The following KIRREL3 variants were observed in gnomAD, a reference collection of about 807,000 sequenced individuals.
KIRREL3 encodes kin of IRRE-like protein 3.
KIRREL3 carries 36 observed loss-of-function variants against 89.7 expected under a neutral mutation model. The ratio of observed to expected loss-of-function variants is 0.40; its 90% CI spans 0.31 to 0.53. KIRREL3 has a LOEUF of 0.53. Among genes scored for constraint, KIRREL3 ranks in the 20% least tolerant of loss-of-function variants. KIRREL3 has a pLI of 0.49. For synonymous variants in KIRREL3, 445 were observed against 441.4 expected (o/e 1.01, Z -0.10); for missense variants, 864 against 1,056.6 (o/e 0.82, Z 2.53).
At chr11:126,720,341 G>C (rs1948122700) in intron 1 of KIRREL3, among the ~76,000 whole-genome samples, 1 of 152,188 alleles carries the variant, frequency 6.6e-6, no homozygotes, top group African/African-American at 2.4e-5. Context: ...TCACGGCAGT[G>C]TTTGCATGCA....
rs1946564074 is a variant in KIRREL3, at chr11:126,905,904, G to A, written c.55+94551C>T. On this transcript the variant is annotated intron_variant, in intron 1 of 16. Transcript: ENST00000525144. This position sits in a 1 kb window ranked among gnomAD's most constrained non-coding sequence, Gnocchi z 5.0. The stretch of plus-strand genomic sequence containing the variant: ...AAAATTCCTGGTGCAGCACAGCTAA[G>A]TGAGGATGCACGGAGGAGATGAAAC... 6.6e-6 allele frequency among the ~76,000 whole-genome samples: 1 copy of A among 152,220 alleles called. No homozygotes were observed. Among genetic ancestry groups the A allele is most frequent in the African/African-American group, 2.4e-5 (1 of 41,460 alleles).
In KIRREL3 at chr11:126,985,318, C is replaced by T. The variant is rs558668828; in HGVS notation, c.55+15137G>A. Among the ~76,000 whole-genome samples, 5 of 152,150 alleles carry T rather than the reference C, an allele frequency of 3.3e-5. No homozygotes were observed. Among genetic ancestry groups the T allele is most frequent in the South Asian group, 2.1e-4 (1 of 4,826 alleles). On this transcript the variant is annotated intron_variant, in intron 1 of 16. Coordinates refer to ENST00000525144, the MANE Select transcript of KIRREL3 (RefSeq NM_032531.4). This position sits in a 1 kb window ranked among gnomAD's most constrained non-coding sequence, Gnocchi z 5.3. ...TATCTGACTCTGCGCCCAAGTCCAA[C>T]AAAGCCACTGCACGGTAGATGGAGG...
rs1014920273 is a variant in KIRREL3, at chr11:126,878,791, G to A, written c.55+121664C>T. Reference sequence around the variant, plus strand: ...ACACATTCTGTTTTTGGATAGTTCAGCATATATCCATATTAAAGCTTTTAA... The same window carrying A: ...ACACATTCTGTTTTTGGATAGTTCAACATATATCCATATTAAAGCTTTTAA... On this transcript the variant is annotated intron_variant, in intron 1 of 16. Coordinates refer to ENST00000525144, the MANE Select transcript of KIRREL3 (RefSeq NM_032531.4). Among the ~76,000 whole-genome samples, 4 of 152,238 alleles carry A rather than the reference G, an allele frequency of 2.6e-5. No homozygotes were observed. In the East Asian group the frequency reaches 7.7e-4, roughly 29 times the overall value.
At chr11:126,633,756 AAC>A (rs1385847844) in intron 1 of KIRREL3, among the ~76,000 whole-genome samples, 5 of 152,206 alleles carry the variant, frequency 3.3e-5, no homozygotes, top group African/African-American at 1.2e-4. Context: ...GTCTAAGAAA[AAC>A]ACTGTCTTGT....
chr11:126,991,968 C>T lies in KIRREL3; in HGVS notation c.55+8487G>A, dbSNP rs992595449. 6.6e-6 allele frequency among the ~76,000 whole-genome samples: 1 copy of T among 152,260 alleles called. No individual in the cohort carries two copies. Among genetic ancestry groups the T allele is most frequent in the South Asian group, 2.1e-4 (1 of 4,818 alleles). ...TCTGGGGGTATGACAGCAATAATGC[C>T]CACTTCTCATTACTTCTGCTGATGA... On this transcript the variant is annotated intron_variant, in intron 1 of 16. Coordinates refer to ENST00000525144, the MANE Select transcript of KIRREL3 (RefSeq NM_032531.4). This position sits in a 1 kb window ranked among gnomAD's most constrained non-coding sequence, Gnocchi z 5.8.
chr11:126,433,843 G>T (rs962460854), intron 13 of KIRREL3, among the ~76,000 whole-genome samples: 15 of 152,242 alleles, frequency 9.9e-5, no homozygotes, highest in African/African-American at 3.1e-4. Flanking sequence ...CAGAGCCAAA[G>T]CATGTCCATG....
chr11:126,716,250 G>T (rs945320308), intron 1 of KIRREL3, among the ~76,000 whole-genome samples: 3 of 152,138 alleles, frequency 2.0e-5, no homozygotes, highest in Admixed American at 2.0e-4. Context: ...GCAAGATTTT[G>T]AAACTCTTAA....
rs1381308896 is a variant in KIRREL3, at chr11:126,531,656, C to A, written c.134-4969G>T. Among the ~76,000 whole-genome samples the A allele has an allele frequency of 5.4e-5, 8 of 148,302 alleles. No individual in the cohort carries two copies. Among genetic ancestry groups the A allele is most frequent in the African/African-American group, 1.7e-4 (7 of 40,364 alleles). On this transcript the variant is annotated intron_variant, in intron 2 of 16. Transcript: ENST00000525144. This position sits in a 1 kb window ranked among gnomAD's most constrained non-coding sequence, Gnocchi z 4.7. Reference sequence around the variant, plus strand: ...GCAGCTCCTGTGACCCAGATGGAATCTTCTTTTTTCTCGTCTTCTCTCTAT... The same window carrying A: ...GCAGCTCCTGTGACCCAGATGGAATATTCTTTTTTCTCGTCTTCTCTCTAT...
At chr11:126,845,763 C>T (rs916870578) in intron 1 of KIRREL3, among the ~76,000 whole-genome samples, 2 of 151,946 alleles carry the variant, frequency 1.3e-5, no homozygotes, top group African/African-American at 4.8e-5. Context: ...TTTCCTTTTT[C>T]TGAGCAAAGA....
intron 1 of KIRREL3, among the ~76,000 whole-genome samples, chr11:126,901,251 T>TA (rs1366205350): frequency 1.3e-5 from 2 of 150,464 alleles, no homozygotes; most frequent in Non-Finnish European, 3.0e-5. Context: ...GATATTCCTA[T>TA]AACCAGCACA....
At chr11:126,657,900 A>C (rs1945227643) in intron 1 of KIRREL3, among the ~76,000 whole-genome samples, 8 of 152,154 alleles carry the variant, frequency 5.3e-5, no homozygotes, top group Admixed American at 5.2e-4. Context: ...AGGTAATTTG[A>C]CCAGATCAAG....
In KIRREL3 at chr11:126,516,194, A is replaced by G. The variant is rs1220807027; in HGVS notation, c.433+5121T>C. 6.6e-6 allele frequency among the ~76,000 whole-genome samples: 1 copy of G among 152,234 alleles called. No individual in the cohort carries two copies. The highest frequency in any genetic ancestry group is 6.5e-5 in the Admixed American group (1 of 15,280). On this transcript the variant is annotated intron_variant, in intron 4 of 16. Transcript: ENST00000525144. The surrounding 1 kb of genome is among the most constrained non-coding windows in gnomAD (Gnocchi z 4.9). Reference sequence around the variant, plus strand: ...TTAAAAAGATGCCCTCTTTATTTGAATTGACTTAGTCTCCCTCTTAAATAA... The same window carrying G: ...TTAAAAAGATGCCCTCTTTATTTGAGTTGACTTAGTCTCCCTCTTAAATAA...
In KIRREL3 at chr11:126,916,392, G is replaced by A. The variant is rs143745272; in HGVS notation, c.55+84063C>T. Among the ~76,000 whole-genome samples, 635 of 152,230 alleles carry A rather than the reference G, an allele frequency of 4.2e-3. 2 individuals are homozygous for A. Among genetic ancestry groups the A allele is most frequent in the African/African-American group, 0.014 (588 of 41,542 alleles). On this transcript the variant is annotated intron_variant, in intron 1 of 16. Coordinates refer to ENST00000525144, the MANE Select transcript of KIRREL3 (RefSeq NM_032531.4). ...CACTTCTGTAGGCCAAGGGTGGGCC[G>A]CCAGAATCTGCATTTTTAACACGTA...
Position 126,440,579 on chromosome 11 carries a change from C to T in KIRREL3, c.1253-30G>A, listed in dbSNP as rs368304303. 1,435 of 1,557,270 alleles carry T rather than the reference C, an allele frequency of 9.2e-4. 19 individuals are homozygous for T. Among genetic ancestry groups the T allele is most frequent in the Admixed American group, 7.8e-4 (41 of 52,848 alleles). ...TGAGAAACAGCGTCCCATTAGGCACCCGGGAAGGGCACGTCCCTGCTGGCG... is the reference window on the plus strand; with the variant it reads ...TGAGAAACAGCGTCCCATTAGGCACTCGGGAAGGGCACGTCCCTGCTGGCG... On this transcript the variant is annotated intron_variant, in intron 10 of 16. Transcript: ENST00000525144.
intron 1 of KIRREL3, among the ~76,000 whole-genome samples, chr11:126,855,840 C>G (rs1944487720): frequency 6.6e-6 from 1 of 152,214 alleles, no homozygotes; most frequent in Non-Finnish European, 1.5e-5. Flanking sequence ...TCTATGCCCT[C>G]TGGGCTCCTT....
At chr11:126,916,608 T>C (rs1203924410) in intron 1 of KIRREL3, among the ~76,000 whole-genome samples, 2 of 152,170 alleles carry the variant, frequency 1.3e-5, no homozygotes, top group Non-Finnish European at 2.9e-5. Flanking sequence ...GTGATTTAAC[T>C]GCAGAAGTCT....
At chr11:126,452,362 C>G (rs1033961585) in intron 7 of KIRREL3, among the ~76,000 whole-genome samples, 2 of 152,222 alleles carry the variant, frequency 1.3e-5, no homozygotes, top group African/African-American at 2.4e-5. Flanking sequence ...CCAGGCACAG[C>G]TAGGGAAGTG....
In KIRREL3 at chr11:126,876,842, T is replaced by C. The variant is rs1370858998; in HGVS notation, c.55+123613A>G. On this transcript the variant is annotated intron_variant, in intron 1 of 16. Coordinates refer to ENST00000525144, the MANE Select transcript of KIRREL3 (RefSeq NM_032531.4). This position sits in a 1 kb window ranked among gnomAD's most constrained non-coding sequence, Gnocchi z 4.1. ...GAGCCACCGTGCCTGGCCATAAATA[T>C]GTTTTTAATGAATACAAAAAGAATG... Among the ~76,000 whole-genome samples the C allele has an allele frequency of 2.0e-5, 3 of 152,198 alleles. No individual in the cohort carries two copies. The highest frequency in any genetic ancestry group is 2.9e-5 in the Non-Finnish European group (2 of 68,040).
In KIRREL3 at chr11:126,555,295, C is replaced by T. The variant is rs544805723; in HGVS notation, c.133+7540G>A. 5.9e-5 allele frequency among the ~76,000 whole-genome samples: 9 copies of T among 152,338 alleles called. No individual in the cohort carries two copies. The highest frequency in any genetic ancestry group is 2.1e-4 in the South Asian group (1 of 4,830). ...GAGGTAGGCTGAGTGAAACAAGCCA[C>T]TCCAGTTCCCACCCACAAAGAGGGT... On this transcript the variant is annotated intron_variant, in intron 2 of 16. Coordinates refer to ENST00000525144, the MANE Select transcript of KIRREL3 (RefSeq NM_032531.4). This position sits in a 1 kb window ranked among gnomAD's most constrained non-coding sequence, Gnocchi z 4.2.
Sources: gnomAD v4.1 joint callset for allele counts (sites outside exome capture counted in the v4.1 genomes callset) on GRCh38, gnomAD v4.1.1 for gene constraint, Gnocchi (gnomAD v3.1) non-coding constraint, MANE v1.5 for transcripts, NCBI Gene and HGNC (gene_info 2026-07-23, HGNC 2026-07-21) for gene names.